KSR2: variants seen among roughly 807,000 people sequenced by gnomAD.
KSR2 encodes the protein kinase suppressor of ras 2.
A neutral mutation model predicts 107.8 loss-of-function variants in KSR2; 25 were observed. The observed-to-expected ratio is 0.23, with a 90% CI of 0.17 to 0.32. KSR2 has a LOEUF of 0.32. Ranked by LOEUF, KSR2 falls within the 10% of genes least tolerant of loss-of-function variation. The probability of loss-of-function intolerance (pLI) is 1.00; values close to 1 mark genes in which losing one functional copy is unlikely to be tolerated. For synonymous variants in KSR2, 480 were observed against 507.0 expected, an observed-to-expected ratio of 0.95 and a Z score of 0.71; for missense variants, 887 against 1,268.9, an observed-to-expected ratio of 0.70 and a Z score of 4.57.
At chr12:117,630,504 G>C (rs1416152255) in intron 5 of KSR2, among the ~76,000 whole-genome samples, 1 of 152,170 alleles carries the variant, frequency 6.6e-6, no homozygotes, top group African/African-American at 2.4e-5. Flanking sequence ...AGTGTGCCAA[G>C]GACTGAGTTT....
At chr12:117,650,972 T>C (rs531762428) in intron 5 of KSR2, among the ~76,000 whole-genome samples, 5 of 152,244 alleles carry the variant, frequency 3.3e-5, no homozygotes, top group East Asian at 1.9e-4. Context: ...GAAAGGTGCA[T>C]GCACAGCCTC....
At chr12:117,561,153 A>C (rs1878091915) in intron 7 of KSR2, among the ~76,000 whole-genome samples, 2 of 152,220 alleles carry the variant, frequency 1.3e-5, no homozygotes, top group African/African-American at 4.8e-5. Context: ...AAAATAGTAG[A>C]GTGGATATGT....
intron 14 of KSR2, among the ~76,000 whole-genome samples, chr12:117,522,062 CAG>C (rs1874788213): frequency 1.3e-5 from 2 of 152,142 alleles, no homozygotes; most frequent in African/African-American, 2.4e-5. Context: ...CCCAAAGCTG[CAG>C]AGTCTTTATC....
At chr12:117,755,704 T>G (rs1888766632) in intron 4 of KSR2, among the ~76,000 whole-genome samples, 1 of 152,228 alleles carries the variant, frequency 6.6e-6, no homozygotes, top group African/African-American at 2.4e-5. Context: ...TCTATCACTT[T>G]AAATCATATG....
chr12:117,714,028 A>T (rs1261817541), intron 4 of KSR2, among the ~76,000 whole-genome samples: 1 of 151,994 alleles, frequency 6.6e-6, no homozygotes, highest in Non-Finnish European at 1.5e-5. Context: ...AGAGTGAAGA[A>T]GAGGAATTTT....
At chr12:117,775,867 A>AT (rs1413283399) in intron 3 of KSR2, among the ~76,000 whole-genome samples, 1 of 152,320 alleles carries the variant, frequency 6.6e-6, no homozygotes, top group East Asian at 1.9e-4. Flanking sequence ...GTTCTCACTC[A>AT]TAAGTGGGAG....
intron 2 of KSR2, among the ~76,000 whole-genome samples, 169 bp from the exon 3 acceptor site, chr12:117,855,747 C>G (rs1286064631): frequency 6.6e-6 from 1 of 152,166 alleles, no homozygotes; most frequent in African/African-American, 2.4e-5. Flanking sequence ...TAACCTCTGA[C>G]CAGTCGCTCA....
intron 4 of KSR2, among the ~76,000 whole-genome samples, chr12:117,759,799 T>C (rs1032442961): frequency 2.0e-4 from 30 of 152,244 alleles, no homozygotes; most frequent in African/African-American, 6.8e-4. Context: ...TCACTCATGT[T>C]GTAGCATATA....
chr12:117,745,233 T>C (rs992943121), intron 4 of KSR2, among the ~76,000 whole-genome samples: 1 of 152,180 alleles, frequency 6.6e-6, no homozygotes. Flanking sequence ...CAAGGTATAC[T>C]CTCTTACAGC....
chr12:117,913,123 G>A (rs778175730), intron 1 of KSR2, among the ~76,000 whole-genome samples: 5 of 152,162 alleles, frequency 3.3e-5, no homozygotes, highest in Admixed American at 6.5e-5. Context: ...GTCCGTTCCC[G>A]AGTTGGCCTC....
intron 3 of KSR2, among the ~76,000 whole-genome samples, chr12:117,763,965 C>G (rs1002279652): frequency 6.6e-6 from 1 of 151,958 alleles, no homozygotes; most frequent in Non-Finnish European, 1.5e-5. Flanking sequence ...AGATTTGGGG[C>G]GCAAAGAAAT....
chr12:117,854,273 C>T (rs1893023095), intron 3 of KSR2, among the ~76,000 whole-genome samples: 2 of 152,216 alleles, frequency 1.3e-5, no homozygotes, highest in African/African-American at 4.8e-5. Context: ...TCCCAAAGTG[C>T]TGGGATTACA....
intron 4 of KSR2, among the ~76,000 whole-genome samples, chr12:117,717,696 TG>T (rs1887045228): frequency 7.1e-6 from 1 of 141,094 alleles, no homozygotes; most frequent in African/African-American, 2.7e-5. Flanking sequence ...TGTGTGTGTG[TG>T]TGTGTGTGTG....
intron 1 of KSR2, among the ~76,000 whole-genome samples, chr12:117,944,764 G>A (rs987130730): frequency 3.3e-5 from 5 of 151,638 alleles, no homozygotes; most frequent in Non-Finnish European, 7.4e-5. Context: ...AGGCTGAAAT[G>A]AGAGGATCGC....
At chr12:117,646,076 G>A (rs1239314568) in intron 5 of KSR2, among the ~76,000 whole-genome samples, 1 of 151,954 alleles carries the variant, frequency 6.6e-6, no homozygotes, top group African/African-American at 2.4e-5. Flanking sequence ...CATTACTTAT[G>A]ATACCTAATA....
intron 5 of KSR2, among the ~76,000 whole-genome samples, chr12:117,619,475 C>A (rs1170306347): frequency 1.3e-5 from 2 of 151,630 alleles, no homozygotes; most frequent in African/African-American, 4.8e-5. Context: ...GGTTATTTGT[C>A]CTTGCGATAG....
intron 1 of KSR2, among the ~76,000 whole-genome samples, chr12:117,927,751 G>A (rs1470423743): frequency 1.3e-5 from 2 of 152,134 alleles, no homozygotes; most frequent in Non-Finnish European, 2.9e-5. Flanking sequence ...AAGCTGGTAT[G>A]TGAAAGCAAA....
chr12:117,519,823 G>A (rs1416656533), intron 14 of KSR2, among the ~76,000 whole-genome samples: 1 of 150,436 alleles, frequency 6.6e-6, no homozygotes, highest in Non-Finnish European at 1.5e-5. Context: ...TGGTTGTGCT[G>A]GTGCCACAGG....
chr12:117,512,694 G>C (rs1874105165), intron 14 of KSR2, among the ~76,000 whole-genome samples: 1 of 150,468 alleles, frequency 6.6e-6, no homozygotes, highest in Non-Finnish European at 1.5e-5. Context: ...TGAACAGCGA[G>C]ATATCTAAAT....
Sources: gnomAD v4.1 joint callset for allele counts (sites outside exome capture counted in the v4.1 genomes callset) on GRCh38, gnomAD v4.1.1 for gene constraint, MANE v1.5 for transcripts, NCBI Gene and HGNC (gene_info 2026-07-23, HGNC 2026-07-21) for gene names.